SEMA3E: variants seen among roughly 807,000 people sequenced by gnomAD.
SEMA3E encodes semaphorin-3E.
SEMA3E carries 49 observed loss-of-function variants against 93.6 expected under a neutral mutation model. That is an observed-to-expected ratio of 0.52 (90% CI 0.42 to 0.66). The LOEUF (loss-of-function observed/expected upper bound fraction) is 0.66. SEMA3E is among the 30% of genes least tolerant of loss of function. The pLI is 0.00. For missense variants in SEMA3E, 906 were observed against 964.8 expected (o/e 0.94, Z 0.81); for synonymous variants, 363 against 330.7 (o/e 1.10, Z -1.06).
chr7:83,420,858 A>AAACATAG (rs1451192435), intron 4 of SEMA3E, among the ~76,000 whole-genome samples: 7 of 144,456 alleles, frequency 4.8e-5, no homozygotes, highest in South Asian at 2.2e-4. Context: ...AAGACCTCTA[A>AAACATAG]CTATAAGAAT....
chr7:83,392,566 T>C lies in SEMA3E; in HGVS notation c.1656A>G (p.Thr552=). 2 of 1,613,372 alleles carry C rather than the reference T, an allele frequency of 1.2e-6. No individual in the cohort carries two copies. The highest frequency in any genetic ancestry group is 8.5e-7 in the Non-Finnish European group (1 of 1,179,772). The change falls in exon 14 of 17, where the codon ACA becomes ACG. Residue 552 remains threonine, a synonymous_variant. Transcript: ENST00000643230. ...GTAGCACGTCTCACCTTTTTGCATGTGTGCCTGTTGGGTAATACCGGGAGC... is the reference window on the plus strand; with the variant it reads ...GTAGCACGTCTCACCTTTTTGCATGCGTGCCTGTTGGGTAATACCGGGAGC... ...ISCSRYYPTG[T]HAKRRFRRQD...
intron 4 of SEMA3E, among the ~76,000 whole-genome samples, chr7:83,455,724 T>G (rs1195867625): frequency 6.6e-6 from 1 of 152,200 alleles, no homozygotes; most frequent in Non-Finnish European, 1.5e-5. Context: ...AACAGAAAGA[T>G]TTGCCTGCTG....
chr7:83,618,734 G>A (rs1330171648), intron 1 of SEMA3E, among the ~76,000 whole-genome samples: 1 of 151,886 alleles, frequency 6.6e-6, no homozygotes, highest in African/African-American at 2.4e-5. Flanking sequence ...GTATTCAAGA[G>A]AAAGTGAACA....
chr7:83,532,790 AAAAG>A (rs1243980167), intron 1 of SEMA3E, among the ~76,000 whole-genome samples: 3 of 151,080 alleles, frequency 2.0e-5, no homozygotes, highest in African/African-American at 7.3e-5. Context: ...TTTTTTTAAA[AAAAG>A]AAAGAAAACA....
intron 2 of SEMA3E, among the ~76,000 whole-genome samples, 199 bp from the exon 3 acceptor site, chr7:83,469,501 T>A (rs574281281): frequency 6.6e-5 from 10 of 152,282 alleles, no homozygotes. Context: ...TTTTACTTTA[T>A]GATAAATCCT....
intron 4 of SEMA3E, among the ~76,000 whole-genome samples, chr7:83,463,840 C>G (rs898617166): frequency 1.1e-4 from 16 of 152,140 alleles, no homozygotes; most frequent in Non-Finnish European, 1.5e-4. Flanking sequence ...CCCTCCCTTC[C>G]CTACACATCA....
chr7:83,477,214 G>A (rs989575375), intron 2 of SEMA3E, among the ~76,000 whole-genome samples: 11 of 151,852 alleles, frequency 7.2e-5, no homozygotes, highest in African/African-American at 4.8e-5. Context: ...GTTAATATAA[G>A]TCTATCTTCA....
intron 1 of SEMA3E, among the ~76,000 whole-genome samples, chr7:83,566,873 A>G (rs764378070): frequency 6.6e-5 from 10 of 152,218 alleles, no homozygotes; most frequent in Admixed American, 1.3e-4. Flanking sequence ...AACAAAGGAC[A>G]TATAAATCAA....
At chr7:83,587,093 G>A (rs1464824517) in intron 1 of SEMA3E, among the ~76,000 whole-genome samples, 5 of 152,126 alleles carry the variant, frequency 3.3e-5, no homozygotes, top group Admixed American at 3.3e-4. Flanking sequence ...GTTTACCAAA[G>A]AGAAACTTAA....
At chr7:83,500,441 A>C (rs1409395664) in intron 1 of SEMA3E, among the ~76,000 whole-genome samples, 1 of 152,124 alleles carries the variant, frequency 6.6e-6, no homozygotes, top group Non-Finnish European at 1.5e-5. Flanking sequence ...GTCTCAAAAA[A>C]ACAAAAAACA....
chr7:83,438,397 G>T lies in SEMA3E; in HGVS notation c.457-19914C>A, dbSNP rs114453325. Among the ~76,000 whole-genome samples, 176 of 152,162 alleles carry T rather than the reference G, an allele frequency of 1.2e-3. 2 individuals carry two copies. The highest frequency in any genetic ancestry group is 4.2e-3 in the African/African-American group (173 of 41,536). The stretch of plus-strand genomic sequence containing the variant: ...AAAGCAGGCCCATACTTAAAAAGCA[G>T]AATAAAATGAAGTTTCGTAGTAATT... On this transcript the variant is annotated intron_variant, in intron 4 of 16. Transcript: ENST00000643230.
At chr7:83,575,384 GA>G (rs1792378739) in intron 1 of SEMA3E, among the ~76,000 whole-genome samples, 1 of 151,480 alleles carries the variant, frequency 6.6e-6, no homozygotes, top group African/African-American at 2.4e-5. Context: ...ATCTTTTAGA[GA>G]CAAAAGATGA....
intron 4 of SEMA3E, among the ~76,000 whole-genome samples, chr7:83,423,847 G>A (rs926893992): frequency 2.6e-5 from 4 of 152,076 alleles, no homozygotes; most frequent in African/African-American, 4.8e-5. Context: ...ATACTGCTCA[G>A]GTGATGGGTG....
At chr7:83,548,433 T>C (rs1791694199) in intron 1 of SEMA3E, among the ~76,000 whole-genome samples, 1 of 152,066 alleles carries the variant, frequency 6.6e-6, no homozygotes, top group South Asian at 2.1e-4. Flanking sequence ...ACTATCTCTT[T>C]ATCTAAATTA....
At chr7:83,587,871 T>A (rs2115933844) in intron 1 of SEMA3E, among the ~76,000 whole-genome samples, 1 of 152,182 alleles carries the variant, frequency 6.6e-6, no homozygotes, top group East Asian at 1.9e-4. Flanking sequence ...ATGATTTATA[T>A]AATTAAAATA....
chr7:83,423,813 G>A (rs1788718142), intron 4 of SEMA3E, among the ~76,000 whole-genome samples: 1 of 151,858 alleles, frequency 6.6e-6, no homozygotes, highest in East Asian at 1.9e-4. Flanking sequence ...ACCCAGCCTC[G>A]ATTTTAAAAA....
At chr7:83,372,588 G>T in intron 16 of SEMA3E, 1 of 230,032 alleles carries the variant, frequency 4.3e-6, no homozygotes, top group Non-Finnish European at 8.4e-6. Flanking sequence ...GAGAAACACT[G>T]TATTATGTAC....
At chr7:83,377,962 A>G (rs1584202476) in intron 16 of SEMA3E, among the ~76,000 whole-genome samples, 1 of 151,938 alleles carries the variant, frequency 6.6e-6, no homozygotes, top group Non-Finnish European at 1.5e-5. Context: ...TTTTGTAGTT[A>G]TTATGGAGGT....
intron 1 of SEMA3E, among the ~76,000 whole-genome samples, chr7:83,580,629 C>A (rs982117996): frequency 5.9e-5 from 9 of 151,962 alleles, no homozygotes; most frequent in African/African-American, 1.9e-4. Context: ...AAGCATGGTT[C>A]ATAAAACATC....
Sources: gnomAD v4.1 joint callset for allele counts (sites outside exome capture counted in the v4.1 genomes callset) on GRCh38, gnomAD v4.1.1 for gene constraint, MANE v1.5 for transcripts, NCBI Gene and HGNC (gene_info 2026-07-23, HGNC 2026-07-21) for gene names.